ZNF540: variants seen among roughly 807,000 people sequenced by gnomAD.
ZNF540 encodes zinc finger protein 540.
ZNF540 carries 3 observed loss-of-function variants against 11.8 expected under a neutral mutation model. That is an observed-to-expected ratio of 0.25 (90% CI 0.12 to 0.65). ZNF540 has a LOEUF of 0.65. ZNF540 is among the 30% of genes least tolerant of loss of function. The probability of loss-of-function intolerance (pLI) is 0.83; values close to 1 mark genes in which losing one functional copy is unlikely to be tolerated. For synonymous variants in ZNF540, 247 were observed against 259.0 expected (o/e 0.95, Z 0.45); for missense variants, 709 against 793.1 (o/e 0.89, Z 1.27).
chr19:37,552,389 A>G (rs919543687), intron 1 of ZNF540, among the ~76,000 whole-genome samples: 8 of 152,206 alleles, frequency 5.3e-5, no homozygotes, highest in African/African-American at 1.9e-4. Flanking sequence ...CAAGTTGGCT[A>G]TTAGCACCGT....
In ZNF540 at chr19:37,605,541, G is replaced by A. The variant is rs556787334; in HGVS notation, c.232+4436G>A. Among the ~76,000 whole-genome samples, 18 of 152,208 alleles carry A rather than the reference G, an allele frequency of 1.2e-4. No homozygotes were observed. The South Asian group carries it at 3.7e-3, about 32-fold the overall frequency. ...CGTGTGCCTGTAATCCCAGCTACCC[G>A]GGAAGCTGAGGCAGGAGAATGGCTT... On this transcript the variant is annotated intron_variant, in intron 4 of 4. Transcript: ENST00000316433.
At chr19:37,558,170 C>G (rs569212754) in intron 1 of ZNF540, among the ~76,000 whole-genome samples, 1 of 152,300 alleles carries the variant, frequency 6.6e-6, no homozygotes, top group South Asian at 2.1e-4. Flanking sequence ...GGATAGCCGC[C>G]ACTAAGATTT....
At chr19:37,604,974 C>A (rs1478351490) in intron 4 of ZNF540, among the ~76,000 whole-genome samples, 1 of 152,184 alleles carries the variant, frequency 6.6e-6, no homozygotes. Flanking sequence ...GTAGTTAATT[C>A]CTTTTTCTTG....
chr19:37,579,973 G>A (rs953348016), intron 1 of ZNF540, among the ~76,000 whole-genome samples: 1 of 152,118 alleles, frequency 6.6e-6, no homozygotes, highest in East Asian at 1.9e-4. Context: ...GGAAAAAAAA[G>A]AACCATTTGA....
In ZNF540 at chr19:37,611,773, C is replaced by T; in HGVS notation, c.493C>T (p.His165Tyr). Reference protein sequence around the residue: ...RPSFTLNQRIHNSEKSCDSHL... With the variant: ...RPSFTLNQRIYNSEKSCDSHL... ...CTCTTTTACTCTGAATCAGAGAATT[C>T]ACAATAGTGAGAAAAGCTGTGACTC... Residue 165 changes from histidine to tyrosine, a missense_variant, in exon 5 of 5, where the codon CAC becomes TAC. By Grantham distance (83) the His-to-Tyr change is moderately conservative. Transcript: ENST00000316433. The T allele has an allele frequency of 6.2e-7, 1 of 1,613,940 alleles. No individual in the cohort carries two copies. Among genetic ancestry groups the T allele is most frequent in the Non-Finnish European group, 8.5e-7 (1 of 1,179,946 alleles).
intron 1 of ZNF540, chr19:37,564,925 G>C: frequency 6.2e-7 from 1 of 1,613,988 alleles, no homozygotes; most frequent in Non-Finnish European, 8.5e-7. Flanking sequence ...TACATTTGTA[G>C]GGCTTTTCAC....
At chr19:37,611,341 TC>T (rs1167550884) in intron 4 of ZNF540, 171 bp from the exon 5 acceptor site, 2 of 528,530 alleles carry the variant, frequency 3.8e-6, no homozygotes, top group Non-Finnish European at 6.4e-6. Flanking sequence ...TCTCTCATTT[TC>T]TAAGCTCATG....
chr19:37,566,447 G>T, intron 1 of ZNF540: 1 of 811,822 alleles, frequency 1.2e-6, no homozygotes, highest in Non-Finnish European at 1.8e-6. Context: ...AAGGCACAAG[G>T]AGAGAATAAA....
upstream of ZNF540, among the ~76,000 whole-genome samples, chr19:37,593,417 G>C (rs1258899583): frequency 2.0e-5 from 3 of 152,022 alleles, no homozygotes; most frequent in African/African-American, 7.2e-5. Context: ...CAAAACCTTA[G>C]ACCAGGCCAG....
chr19:37,572,605 C>T (rs1331470187), intron 1 of ZNF540, among the ~76,000 whole-genome samples: 2 of 152,092 alleles, frequency 1.3e-5, no homozygotes, highest in African/African-American at 2.4e-5. Flanking sequence ...ATGTATACGC[C>T]GCAGATAAGG....
At chr19:37,608,267 T>C (rs762502017) in intron 4 of ZNF540, among the ~76,000 whole-genome samples, 1 of 152,234 alleles carries the variant, frequency 6.6e-6, no homozygotes, top group Non-Finnish European at 1.5e-5. Context: ...TGGAAGTTTC[T>C]CTTGTCACAT....
rs745941719 is a variant in ZNF540, at chr19:37,611,736, T to A, written c.456T>A (p.Asp152Glu). 3 of 1,613,832 alleles carry A rather than the reference T, an allele frequency of 1.9e-6. No homozygotes were observed. The Admixed American group carries it at 5.0e-5, about 27-fold the overall frequency. The change falls in exon 5 of 5, where the codon GAT becomes GAA. Residue 152 changes from aspartate to glutamate, a missense_variant. Physicochemically the swap from Asp to Glu is conservative, Grantham distance 45. Coordinates refer to ENST00000316433, the MANE Select transcript of ZNF540 (RefSeq NM_001172225.3). ...KKIVSKKMSTDRKRPSFTLNQ... is the reference protein window; with the variant it reads ...KKIVSKKMSTERKRPSFTLNQ... ...TCGTCTCTAAAAAAATGTCAACTGA[T>A]AGAAAACGTCCCTCTTTTACTCTGA...
intron 1 of ZNF540, among the ~76,000 whole-genome samples, chr19:37,561,295 A>C (rs998509455): frequency 2.0e-5 from 3 of 152,102 alleles, no homozygotes; most frequent in Non-Finnish European, 2.9e-5. Flanking sequence ...AGAGGATTGT[A>C]AAAACCTTGG....
At chr19:37,585,088 T>C (rs1361307641) in intron 1 of ZNF540, 1 of 152,202 alleles carries the variant, frequency 6.6e-6, no homozygotes, top group Non-Finnish European at 1.5e-5. Context: ...TCCTAGGCTA[T>C]AGCAAGGTAC....
Position 37,611,501 on chromosome 19 carries a change from G to A in ZNF540, c.233-12G>A, listed in dbSNP as rs536980560. On this transcript the variant is annotated splice_polypyrimidine_tract_variant and intron_variant, in intron 4 of 4. Transcript: ENST00000316433. ...GAAAATAATTTTTGTTTGCTTTTAT[G>A]TTTTCTTTCAGGTTTGTTATCCAGG... 2.0e-4 allele frequency: 316 copies of A among 1,555,982 alleles called. 5 individuals carry two copies. In the South Asian group the frequency reaches 3.1e-3, roughly 15 times the overall value.
In ZNF540 at chr19:37,598,162, CAT is replaced by C. The variant is rs146585003; in HGVS notation, c.-72-213_-72-212del. ...AGAACTCTCCTGCTGAAATATTGGT[CAT>C]GTGTTCTAATGCAGGATAACCTCTG... On this transcript the variant is annotated intron_variant, in intron 1 of 4. Transcript: ENST00000316433. Among the ~76,000 whole-genome samples, 13 of 152,312 alleles carry C rather than the reference CAT, an allele frequency of 8.5e-5. 1 individual carries two copies. The East Asian group carries it at 2.5e-3, about 29-fold the overall frequency.
intron 1 of ZNF540, among the ~76,000 whole-genome samples, chr19:37,584,369 C>A (rs540974286): frequency 1.3e-5 from 2 of 152,144 alleles, no homozygotes; most frequent in Non-Finnish European, 2.9e-5. Flanking sequence ...ATACTGCAAG[C>A]GTTTTCTTCA....
chr19:37,555,955 AGAAAAAC>A, intron 1 of ZNF540: 1 of 700,892 alleles, frequency 1.4e-6, no homozygotes. Flanking sequence ...CAATCAGGGC[AGAAAAAC>A]TGGTAAGTAT....
chr19:37,558,087 C>CT (rs1440598522), intron 1 of ZNF540, among the ~76,000 whole-genome samples: 1 of 152,140 alleles, frequency 6.6e-6, no homozygotes, highest in Admixed American at 6.5e-5. Context: ...CAGTTAATGC[C>CT]TTTTTCAGGT....
Sources: gnomAD v4.1 joint callset for allele counts (sites outside exome capture counted in the v4.1 genomes callset) on GRCh38, gnomAD v4.1.1 for gene constraint, MANE v1.5 for transcripts, NCBI Gene and HGNC (gene_info 2026-07-23, HGNC 2026-07-21) for gene names.